Variants in CHLSN observed in about 807,000 individuals in gnomAD.
CHLSN encodes protein cholesin.
At chr7:1,108,164 G>A in the CHLSN span, among the ~76,000 whole-genome samples, 1 of 4,048 alleles carries the variant, frequency 2.5e-4, no homozygotes, top group African/African-American at 3.0e-3. Context: ...GCTGTGTCCC[G>A]CACTGGAGTC....
At chr7:1,058,020 A>G in the CHLSN span, 1 of 769,674 alleles carries the variant, frequency 1.3e-6, no homozygotes, top group Non-Finnish European at 2.4e-6. Flanking sequence ...CTACATCTGC[A>G]GCCATGTGTC....
At chr7:983,529 C>A in the CHLSN span, 1 of 801,212 alleles carries the variant, frequency 1.2e-6, no homozygotes, top group Non-Finnish European at 1.8e-6. Context: ...CCGGAGGGCC[C>A]ACCCTGCTTT....
chr7:992,934 T>C, the CHLSN span, among the ~76,000 whole-genome samples: 7 of 152,136 alleles, frequency 4.6e-5, no homozygotes, highest in African/African-American at 1.7e-4. Flanking sequence ...CCTTGTGAAA[T>C]CTAAGCAAAG....
At chr7:1,047,465 T>C in the CHLSN span, among the ~76,000 whole-genome samples, 1 of 152,396 alleles carries the variant, frequency 6.6e-6, no homozygotes, top group South Asian at 2.1e-4. Flanking sequence ...TAGGAATCAG[T>C]GTGCGTAAGC....
the CHLSN span, among the ~76,000 whole-genome samples, chr7:1,015,918 G>C: frequency 1.3e-5 from 2 of 152,206 alleles, no homozygotes; most frequent in African/African-American, 2.4e-5. Flanking sequence ...GATGTCACCT[G>C]ACCAGACGGA....
chr7:1,062,486 A>G, the CHLSN span, among the ~76,000 whole-genome samples: 17,929 of 152,248 alleles, frequency 0.12, 1,267 homozygotes, highest in Middle Eastern at 0.26. Flanking sequence ...CCCGGCACGC[A>G]AACCATGTCT....
chr7:1,086,041 G>T, the CHLSN span, among the ~76,000 whole-genome samples: 1 of 152,202 alleles, frequency 6.6e-6, no homozygotes, highest in East Asian at 1.9e-4. Context: ...TGCGCTCCAA[G>T]ACCCAGATGC....
chr7:1,081,206 C>T, the CHLSN span, among the ~76,000 whole-genome samples: 4 of 152,374 alleles, frequency 2.6e-5, no homozygotes, highest in East Asian at 3.9e-4. Context: ...CGCTGGGAGA[C>T]GGGCTTGGTG....
At chr7:986,019 A>G in the CHLSN span, among the ~76,000 whole-genome samples, 1 of 152,234 alleles carries the variant, frequency 6.6e-6, no homozygotes, top group East Asian at 1.9e-4. Context: ...CCCAGAGCCC[A>G]CCTGGAAGAT....
chr7:1,053,661 C>T, the CHLSN span, among the ~76,000 whole-genome samples: 2 of 152,182 alleles, frequency 1.3e-5, no homozygotes, highest in Non-Finnish European at 2.9e-5. Context: ...AACCTTGTCT[C>T]TACTGAAAAT....
At chr7:990,483 G>A in the CHLSN span, among the ~76,000 whole-genome samples, 5 of 152,002 alleles carry the variant, frequency 3.3e-5, no homozygotes, top group East Asian at 1.9e-4. Flanking sequence ...ACCGAGAAGA[G>A]AGGATAAGCC....
chr7:1,022,972 C>T, the CHLSN span: 3 of 472,960 alleles, frequency 6.3e-6, no homozygotes, highest in South Asian at 4.6e-5. Context: ...GTCGTCGAGG[C>T]GCTCACAGGC....
At chr7:1,123,878 G>A in the CHLSN span, among the ~76,000 whole-genome samples, 36 of 152,142 alleles carry the variant, frequency 2.4e-4, no homozygotes, top group East Asian at 1.9e-4. The surrounding 1 kb of genome is among the most constrained non-coding windows in gnomAD (Gnocchi z 4.4). Flanking sequence ...GGGCTCCACC[G>A]AGACCGCATT....
the CHLSN span, among the ~76,000 whole-genome samples, chr7:1,136,347 A>T: frequency 1.1e-4 from 8 of 73,710 alleles, no homozygotes; most frequent in African/African-American, 2.7e-4. Context: ...TAAACATATA[A>T]ATATATATAA....
chr7:1,014,959 C>T, the CHLSN span, among the ~76,000 whole-genome samples: 6 of 152,308 alleles, frequency 3.9e-5, no homozygotes, highest in South Asian at 2.1e-4. Flanking sequence ...GCAGGCTGTG[C>T]GGTGAGAGCC....
the CHLSN span, chr7:1,088,151 G>C: frequency 6.6e-6 from 1 of 152,318 alleles, no homozygotes; most frequent in Non-Finnish European, 1.5e-5. This position sits in a 1 kb window ranked among gnomAD's most constrained non-coding sequence, Gnocchi z 4.5. Context: ...AGCCAGCCGG[G>C]AACCTTCCCT....
At chr7:1,095,088 G>A in the CHLSN span, among the ~76,000 whole-genome samples, 3 of 151,532 alleles carry the variant, frequency 2.0e-5, no homozygotes, top group African/African-American at 7.2e-5. Flanking sequence ...CCACGACTCA[G>A]GCCCGGCGCA....
chr7:1,011,353 G>A, the CHLSN span, among the ~76,000 whole-genome samples: 3 of 120,680 alleles, frequency 2.5e-5, no homozygotes, highest in African/African-American at 6.5e-5. Flanking sequence ...CACACACACC[G>A]ACACCCACAC....
At chr7:1,110,599 C>T in the CHLSN span, among the ~76,000 whole-genome samples, 1 of 152,216 alleles carries the variant, frequency 6.6e-6, no homozygotes, top group South Asian at 2.1e-4. Context: ...GGGCCGCATC[C>T]CGAGGGAGCA....
Sources: allele counts gnomAD v4.1 joint callset (sites outside exome capture counted in the v4.1 genomes callset), GRCh38; gene constraint gnomAD v4.1.1; non-coding constraint Gnocchi (gnomAD v3.1); transcripts MANE v1.5; gene names NCBI Gene and HGNC (gene_info 2026-07-23, HGNC 2026-07-21).